DIAPH2: variants seen among roughly 807,000 people sequenced by gnomAD.
The protein encoded by DIAPH2 is diaphanous related formin 2.
A neutral mutation model predicts 92.7 loss-of-function variants in DIAPH2; 35 were observed. The observed-to-expected ratio is 0.38, with a 90% CI of 0.29 to 0.50. The LOEUF (loss-of-function observed/expected upper bound fraction) is 0.50. Among genes scored for constraint, DIAPH2 ranks in the 20% least tolerant of loss-of-function variants. The pLI, the probability that DIAPH2 is intolerant of heterozygous loss-of-function variation, is 0.94. For synonymous variants in DIAPH2, 301 were observed against 280.4 expected, an observed-to-expected ratio of 1.07 and a Z score of -0.73; for missense variants, 701 against 819.5, an observed-to-expected ratio of 0.86 and a Z score of 1.77.
At chrX:97,293,994 G>A (rs184526535) in intron 23 of DIAPH2, among the ~76,000 whole-genome samples, 7 of 112,333 alleles carry the variant, frequency 6.2e-5, no homozygotes, top group African/African-American at 2.3e-4. Context: ...AAGCTTCTAT[G>A]TATAGGGGAG....
chrX:97,452,283 G>A (rs770349281), intron 26 of DIAPH2, among the ~76,000 whole-genome samples: 1 of 111,640 alleles, frequency 9.0e-6, no homozygotes, highest in East Asian at 2.8e-4. Context: ...AGAGACAAAT[G>A]TATTTTTAAG....
intron 23 of DIAPH2, among the ~76,000 whole-genome samples, chrX:97,305,900 G>T (rs1449451036): frequency 2.7e-5 from 3 of 109,647 alleles, no homozygotes; most frequent in Non-Finnish European, 5.7e-5. Context: ...CACTAGGGCA[G>T]TTCAGCTGGT....
chrX:96,857,429 A>G (rs2065047435), intron 4 of DIAPH2, among the ~76,000 whole-genome samples: 1 of 112,622 alleles, frequency 8.9e-6, no homozygotes, highest in Non-Finnish European at 1.9e-5. Context: ...AAAGTTTATC[A>G]TAGTACTGAG....
At chrX:96,822,624 T>C in intron 4 of DIAPH2, among the ~76,000 whole-genome samples, 1 of 112,062 alleles carries the variant, frequency 8.9e-6, no homozygotes, top group African/African-American at 3.2e-5. Context: ...AACAATGAGT[T>C]ATAAATATAA....
chrX:97,058,927 G>A (rs2066577065), intron 17 of DIAPH2, among the ~76,000 whole-genome samples: 2 of 111,965 alleles, frequency 1.8e-5, no homozygotes, highest in South Asian at 7.5e-4. Flanking sequence ...AGGGCAGCAT[G>A]TGGAAAATAC....
intron 23 of DIAPH2, among the ~76,000 whole-genome samples, chrX:97,310,049 C>T (rs886497741): frequency 8.9e-6 from 1 of 112,037 alleles, no homozygotes; most frequent in Admixed American, 9.5e-5. Context: ...TAAAGAAATC[C>T]TTGCTATACT....
At chrX:96,841,927 G>A (rs973720034) in intron 4 of DIAPH2, among the ~76,000 whole-genome samples, 2 of 111,363 alleles carry the variant, frequency 1.8e-5, no homozygotes, top group African/African-American at 6.5e-5. Flanking sequence ...AAAGGGGGTT[G>A]TTCTCTTGTG....
intron 23 of DIAPH2, among the ~76,000 whole-genome samples, chrX:97,269,219 C>A (rs1275154080): frequency 1.8e-5 from 2 of 111,303 alleles, no homozygotes; most frequent in Non-Finnish European, 3.8e-5. Context: ...TTTTGAGGAG[C>A]CACAGTGTTG....
intron 4 of DIAPH2, among the ~76,000 whole-genome samples, chrX:96,788,263 A>G (rs2064473620): frequency 9.0e-6 from 1 of 111,645 alleles, no homozygotes; most frequent in Non-Finnish European, 1.9e-5. Flanking sequence ...CATGTTCCTC[A>G]TTTGCCTTGT....
intron 16 of DIAPH2, among the ~76,000 whole-genome samples, chrX:96,963,140 C>A (rs962753360): frequency 9.1e-6 from 1 of 110,371 alleles, no homozygotes; most frequent in Admixed American, 9.6e-5. Flanking sequence ...TTCTTTTTTT[C>A]TTTTGGCACT....
intron 23 of DIAPH2, among the ~76,000 whole-genome samples, chrX:97,317,197 C>T (rs1355208601): frequency 9.0e-6 from 1 of 111,279 alleles, no homozygotes; most frequent in Non-Finnish European, 1.9e-5. Context: ...TTTTTTTAGC[C>T]CAATCACCAC....
At chrX:96,825,608 CTTAA>C (rs2064810639) in intron 4 of DIAPH2, among the ~76,000 whole-genome samples, 1 of 110,997 alleles carries the variant, frequency 9.0e-6, no homozygotes, top group African/African-American at 3.3e-5. Flanking sequence ...TTCTCTATCC[CTTAA>C]TAATGATTAT....
intron 24 of DIAPH2, among the ~76,000 whole-genome samples, chrX:97,368,682 C>G (rs1279779077): frequency 1.4e-5 from 1 of 71,762 alleles, no homozygotes; most frequent in African/African-American, 4.8e-5. Flanking sequence ...AAAGGCCAAA[C>G]TGTCAAAAAG....
intron 4 of DIAPH2, among the ~76,000 whole-genome samples, chrX:96,817,224 T>A (rs1400071140): frequency 1.8e-5 from 2 of 111,873 alleles, no homozygotes; most frequent in African/African-American, 6.5e-5. Flanking sequence ...ACTAAACGTG[T>A]ATAATTGGAT....
chrX:97,477,638 A>ATG lies in DIAPH2; in HGVS notation c.3241+47907_3241+47908dup, dbSNP rs201638598. Among the ~76,000 whole-genome samples the ATG allele has an allele frequency of 5.7e-3, 623 of 109,939 alleles. 3 individuals are homozygous for ATG. Among genetic ancestry groups the ATG allele is most frequent in the African/African-American group, 0.02 (590 of 30,171 alleles). ...TCTATCTATCTATCTATATATATATATGTGTGTGTGTGTGTATACATGTAT... is the reference window on the plus strand; with the variant it reads ...TCTATCTATCTATCTATATATATATATGTGTGTGTGTGTGTGTATACATGTAT... On this transcript the variant is annotated intron_variant, in intron 26 of 26. Coordinates refer to ENST00000324765, the MANE Select transcript of DIAPH2 (RefSeq NM_006729.5).
chrX:97,423,278 G>A (rs1167891981), intron 25 of DIAPH2, among the ~76,000 whole-genome samples: 4 of 111,359 alleles, frequency 3.6e-5, no homozygotes, highest in Non-Finnish European at 7.5e-5. Context: ...AAACATCCTT[G>A]AAAAGATAGT....
intron 4 of DIAPH2, among the ~76,000 whole-genome samples, chrX:96,817,879 G>T (rs754373867): frequency 9.2e-6 from 1 of 108,841 alleles, no homozygotes; most frequent in East Asian, 2.9e-4. Flanking sequence ...TAGCATTTTT[G>T]TAACAAAGGA....
chrX:96,949,625 C>T (rs376657404), intron 15 of DIAPH2, among the ~76,000 whole-genome samples: 5 of 100,865 alleles, frequency 5.0e-5, no homozygotes, highest in African/African-American at 1.5e-4. Context: ...GGGCAGATCA[C>T]GAGGTCAGGA....
At chrX:97,384,120 A>T (rs1170870157) in intron 25 of DIAPH2, 76 bp downstream of exon 25, 4 of 907,774 alleles carry the variant, frequency 4.4e-6, no homozygotes, top group Non-Finnish European at 4.5e-6. Context: ...TTGGATTATA[A>T]AGTAAATTTT....
Sources: gnomAD v4.1 joint callset for allele counts (sites outside exome capture counted in the v4.1 genomes callset) on GRCh38, gnomAD v4.1.1 for gene constraint, MANE v1.5 for transcripts, NCBI Gene and HGNC (gene_info 2026-07-23, HGNC 2026-07-21) for gene names.